Variants in DUOX1 observed in about 807,000 individuals in gnomAD.
DUOX1 encodes dual oxidase 1, also known as NADPH thyroid oxidase 1.
In DUOX1, 134 loss-of-function variants were observed where a neutral mutation model predicts 181.8. The ratio of observed to expected loss-of-function variants is 0.74; its 90% CI spans 0.64 to 0.85. The LOEUF (loss-of-function observed/expected upper bound fraction) is 0.85, where lower values mean the gene tolerates loss of function less well. Ranked by LOEUF, DUOX1 falls within the 40% of genes least tolerant of loss-of-function variation. The pLI is 0.00. For missense variants in DUOX1, 1,814 were observed against 2,064.4 expected, an observed-to-expected ratio of 0.88 and a Z score of 2.35; for synonymous variants, 798 against 832.5, an observed-to-expected ratio of 0.96 and a Z score of 0.71.
intron 16 of DUOX1, 117 bp from the exon 17 acceptor site, chr15:45,143,919 G>A (rs891440620): frequency 4.1e-6 from 4 of 970,220 alleles, no homozygotes; most frequent in Admixed American, 2.0e-5. Context: ...CAGTACCCCA[G>A]AAGGGGACAA....
At chr15:45,162,054 G>A in intron 30 of DUOX1, 84 bp downstream of exon 30, 1 of 1,473,900 alleles carries the variant, frequency 6.8e-7, no homozygotes, top group Non-Finnish European at 9.3e-7. Flanking sequence ...TCCCCGCTCT[G>A]TGCCTCCCCT....
intron 15 of DUOX1, among the ~76,000 whole-genome samples, chr15:45,142,789 G>GTAAGGAAGGA (rs1480496555): frequency 7.2e-6 from 1 of 139,762 alleles, no homozygotes; most frequent in Non-Finnish European, 1.5e-5. Flanking sequence ...GGAAGGAAGG[G>GTAAGGAAGGA]AGGGAGGAAG....
intron 28 of DUOX1, 74 bp from the exon 29 acceptor site, chr15:45,160,763 T>G (rs1595597011): frequency 6.8e-7 from 1 of 1,469,294 alleles, no homozygotes; most frequent in Non-Finnish European, 9.0e-7. Flanking sequence ...GTATGGAGGG[T>G]CTAAGGCCTG....
In DUOX1 at chr15:45,152,386, C is replaced by T. The variant is rs533622336; in HGVS notation, c.3294C>T (p.Ser1098=). Residue 1098 remains serine (S), a synonymous_variant, in exon 25 of 34, where the codon TCC becomes TCT. Transcript: ENST00000389037. The part of the protein sequence containing the change: ...GTAASISFMF[S]YILLTMCRNL... ...CAGCCAGCATCTCTTTCATGTTCTC[C>T]TACATCTTGCTCACCATGTGCCGCA... 1 of 1,614,218 alleles carries T rather than the reference C, an allele frequency of 6.2e-7. No individual in the cohort carries two copies. Among genetic ancestry groups the T allele is most frequent in the Non-Finnish European group, 8.5e-7 (1 of 1,180,028 alleles).
At position 45,135,182 on chromosome 15, in the gene DUOX1, C is replaced by T. The variant is rs780605896; in HGVS notation, c.386C>T (p.Pro129Leu). ...GAGTTCCTCAACATTCGCATCCCGC[C>T]CGGAGACCCCATGTTCGACCCCGAC... ...PAEFLNIRIP[P>L]GDPMFDPDQR... Residue 129 changes from proline (P) to leucine (L), a missense_variant, in exon 5 of 34, where the codon CCC (proline) becomes CTC (leucine). Pro to Leu is a moderately conservative substitution (Grantham distance 98). This residue lies in a region of DUOX1 where 320 missense variants were observed against 313.1 expected (regional missense o/e 1.02). Coordinates refer to ENST00000389037, the MANE Select transcript of DUOX1 (RefSeq NM_175940.3). 9.9e-6 allele frequency: 16 copies of T among 1,613,884 alleles called. No homozygotes were observed. The highest frequency in any genetic ancestry group is 1.2e-5 in the Non-Finnish European group (14 of 1,179,984).
Position 45,141,376 on chromosome 15 carries a change from T to A in DUOX1, c.1650T>A (p.Ser550Arg), listed in dbSNP as rs765957171. ...VLVAVINIDPSALQPNVFVWH... is the reference protein window; with the variant it reads ...VLVAVINIDPRALQPNVFVWH... The stretch of plus-strand genomic sequence containing the variant: ...TCGCTGTTATCAACATTGACCCCAG[T>A]GCTCTGCAGCCCAATGTCTTTGTCT... Residue 550 changes from serine (S) to arginine (R), a missense_variant, in exon 14 of 34, where the codon AGT becomes AGA. Coordinates refer to ENST00000389037, the MANE Select transcript of DUOX1 (RefSeq NM_175940.3). 2 of 1,614,248 alleles carry A rather than the reference T, an allele frequency of 1.2e-6. No homozygotes were observed. The highest frequency in any genetic ancestry group is 1.7e-5 in the Admixed American group (1 of 60,032).
Position 45,135,411 on chromosome 15 carries a change from C to T in DUOX1, c.496-63C>T, listed in dbSNP as rs1428061890. ...TCCCCAGCCGCGGACACCCGCCGGG[C>T]CCCGGCCTTCCCTAGCTCGCCGCCG... On this transcript the variant is annotated intron_variant, in intron 5 of 33. Coordinates refer to ENST00000389037, the MANE Select transcript of DUOX1 (RefSeq NM_175940.3). 10 of 1,517,578 alleles carry T rather than the reference C, an allele frequency of 6.6e-6. No homozygotes were observed. The South Asian group carries it at 1.0e-4, about 15-fold the overall frequency. The allele number at this position is 1,517,578 out of a possible 1,614,324, so 94.0% of individuals were successfully genotyped here.
intron 27 of DUOX1, 147 bp downstream of exon 27, chr15:45,154,147 G>A: frequency 1.4e-6 from 1 of 735,174 alleles, no homozygotes; most frequent in South Asian, 1.6e-5. Context: ...ACACTACTGG[G>A]TGGGCAGGAG....
intron 16 of DUOX1, among the ~76,000 whole-genome samples, chr15:45,143,668 A>AGGT (rs1237573292): frequency 6.6e-6 from 1 of 152,142 alleles, no homozygotes; most frequent in Non-Finnish European, 1.5e-5. Context: ...TCTTGGTTCC[A>AGGT]CCACCACTAT....
chr15:45,154,613 A>G (rs75747470), intron 27 of DUOX1, among the ~76,000 whole-genome samples: 2 of 73,818 alleles, frequency 2.7e-5, no homozygotes, highest in Admixed American at 2.6e-4. Context: ...TTTTTTTTTA[A>G]TCCTAAAATG....
intron 11 of DUOX1, 95 bp from the exon 12 acceptor site, chr15:45,139,332 C>T (rs1470234150): frequency 1.3e-6 from 2 of 1,588,678 alleles, no homozygotes; most frequent in Admixed American, 1.8e-5. Context: ...CCTTCTGGCT[C>T]AAGTCTCCTG....
At chr15:45,142,331 C>A (rs1162653511) in intron 15 of DUOX1, among the ~76,000 whole-genome samples, 1 of 152,174 alleles carries the variant, frequency 6.6e-6, no homozygotes, top group East Asian at 1.9e-4. Flanking sequence ...TGGGACTGCC[C>A]CCAGGGCCCA....
chr15:45,132,048 C>G, intron 2 of DUOX1, 24 bp downstream of exon 2: 1 of 1,585,604 alleles, frequency 6.3e-7, no homozygotes, highest in South Asian at 1.2e-5. Flanking sequence ...GGAGGAGAAG[C>G]ATGGTTAGGA....
Position 45,134,195 on chromosome 15 carries a change from C to T in DUOX1, c.193C>T (p.Gln65Ter). 1 of 1,559,048 alleles carries T rather than the reference C, an allele frequency of 6.4e-7. No homozygotes were observed. Among genetic ancestry groups the T allele is most frequent in the Non-Finnish European group, 8.6e-7 (1 of 1,157,328 alleles). The change falls in exon 4 of 34, where the codon CAG becomes TAG. Residue 65 changes from glutamine (Q) to a stop codon, truncating the protein, a stop_gained. Coordinates refer to ENST00000389037, the MANE Select transcript of DUOX1 (RefSeq NM_175940.3). LOFTEE classifies it high-confidence loss of function. ...AGCCAGCTATGCAGATGGCGTGTACCAGCCCTTGGGAGAACCCCACCTGCC... is the reference window on the plus strand; with the variant it reads ...AGCCAGCTATGCAGATGGCGTGTACTAGCCCTTGGGAGAACCCCACCTGCC... ...VPASYADGVY[Q>*]PLGEPHLPNP...
Position 45,155,944 on chromosome 15 carries a change from C to A in DUOX1, c.3702+15C>A. On this transcript the variant is annotated intron_variant, in intron 28 of 33. Coordinates refer to ENST00000389037, the MANE Select transcript of DUOX1 (RefSeq NM_175940.3). ...TCTATGTCCTGGTGAGGGCTTTTGG[C>A]TGTGAGCCAGGCCAGGAGGGTATGG... 1.2e-6 allele frequency: 2 copies of A among 1,614,140 alleles called. No homozygotes were observed.
intron 26 of DUOX1, 45 bp downstream of exon 26, chr15:45,153,524 GTGTGTGTGTGTGTGTGTGTGTGTA>G (rs749248126): frequency 0.088 from 99,692 of 1,138,348 alleles, 3,687 homozygotes; most frequent in East Asian, 0.21. Flanking sequence ...GTGTGTGTGT[GTGTGTGTGTGTGTGTGTGTGTGTA>G]TAATGGGGAG....
At chr15:45,136,268 C>G in intron 7 of DUOX1, 82 bp from the exon 8 acceptor site, 1 of 1,600,634 alleles carries the variant, frequency 6.2e-7, no homozygotes. Context: ...CATCTCCACA[C>G]GGAAGCCGTC....
At chr15:45,133,388 C>T (rs976268069) in intron 2 of DUOX1, among the ~76,000 whole-genome samples, 3 of 152,180 alleles carry the variant, frequency 2.0e-5, no homozygotes, top group Admixed American at 2.0e-4. Flanking sequence ...CTCACCACAC[C>T]GACCCTGCCC....
intron 29 of DUOX1, 108 bp from the exon 30 acceptor site, chr15:45,161,630 T>C (rs1271318722): frequency 4.4e-5 from 44 of 1,010,862 alleles, no homozygotes; most frequent in Non-Finnish European, 6.1e-5. Context: ...GGAGGCCTCC[T>C]TTGTCATATT....
Sources: gnomAD v4.1 joint callset for allele counts (sites outside exome capture counted in the v4.1 genomes callset) on GRCh38, gnomAD v4.1.1 for gene constraint, gnomAD v4.1.1 regional missense constraint, MANE v1.5 for transcripts, NCBI Gene and HGNC (gene_info 2026-07-23, HGNC 2026-07-21) for gene names.